CSMD1: variants seen among roughly 807,000 people sequenced by gnomAD.
CSMD1 encodes CUB and sushi domain-containing protein 1.
In CSMD1, 213 loss-of-function variants were observed where a neutral mutation model predicts 417.5. The ratio of observed to expected loss-of-function variants is 0.51; its 90% CI spans 0.46 to 0.57. CSMD1 has a LOEUF of 0.57. CSMD1 is among the 20% of genes least tolerant of loss of function. CSMD1 has a pLI of 0.00. For synonymous variants in CSMD1, 2,862 were observed against 1,736.8 expected, an observed-to-expected ratio of 1.65 and a Z score of -16.11; for missense variants, 6,923 against 4,529.7, an observed-to-expected ratio of 1.53 and a Z score of -15.17.
At chr8:3,788,166 G>C (rs372666081) in intron 5 of CSMD1, among the ~76,000 whole-genome samples, 1 of 152,128 alleles carries the variant, frequency 6.6e-6, no homozygotes, top group Non-Finnish European at 1.5e-5. Context: ...GTAAAACAAG[G>C]GATTCATGTG....
intron 3 of CSMD1, among the ~76,000 whole-genome samples, chr8:4,218,179 A>T (rs1420966812): frequency 6.6e-6 from 1 of 152,232 alleles, no homozygotes; most frequent in Non-Finnish European, 1.5e-5. Context: ...AACACTAGTT[A>T]TAAATTCCTA....
intron 3 of CSMD1, among the ~76,000 whole-genome samples, chr8:4,358,425 CA>C (rs1801558071): frequency 6.6e-6 from 1 of 152,192 alleles, no homozygotes. Context: ...ATATGAAATT[CA>C]AATTTCAGTG....
intron 10 of CSMD1, among the ~76,000 whole-genome samples, chr8:3,522,464 T>C (rs145491947): frequency 3.3e-4 from 50 of 152,360 alleles, no homozygotes; most frequent in Admixed American, 1.8e-3. Context: ...CAGCTGCATT[T>C]ACTTTTAGAT....
At chr8:3,564,521 G>GTGTGTGTGTGTC (rs1799613332) in intron 10 of CSMD1, among the ~76,000 whole-genome samples, 1 of 149,664 alleles carries the variant, frequency 6.7e-6, no homozygotes, top group Admixed American at 6.6e-5. Flanking sequence ...GTATATTTGT[G>GTGTGTGTGTGTC]TGTGTGTGTG....
chr8:4,161,836 C>G (rs985245637), intron 3 of CSMD1, among the ~76,000 whole-genome samples: 1 of 152,106 alleles, frequency 6.6e-6, no homozygotes, highest in Non-Finnish European at 1.5e-5. Context: ...TGATATGTCA[C>G]TGCATTTTTT....
chr8:4,124,939 C>G (rs902394354), intron 3 of CSMD1, among the ~76,000 whole-genome samples: 2 of 152,144 alleles, frequency 1.3e-5, no homozygotes, highest in Non-Finnish European at 2.9e-5. Context: ...AACAGCAACT[C>G]TTCCGGGTCC....
chr8:3,390,710 T>G (rs1811299269), intron 17 of CSMD1, among the ~76,000 whole-genome samples: 2 of 152,280 alleles, frequency 1.3e-5, no homozygotes, highest in East Asian at 3.9e-4. Flanking sequence ...CATTTGCTAC[T>G]TAATGAATAA....
At chr8:4,479,832 C>A (rs558573129) in intron 2 of CSMD1, among the ~76,000 whole-genome samples, 7 of 151,752 alleles carry the variant, frequency 4.6e-5, no homozygotes, top group Non-Finnish European at 8.8e-5. Flanking sequence ...GGCGTGGTGG[C>A]GCCCACTCCT....
intron 50 of CSMD1, among the ~76,000 whole-genome samples, chr8:3,042,176 A>G (rs947340775): frequency 6.6e-6 from 1 of 152,166 alleles, no homozygotes; most frequent in African/African-American, 2.4e-5. Flanking sequence ...CTGAGATACC[A>G]AACTGACTTT....
intron 1 of CSMD1, among the ~76,000 whole-genome samples, chr8:4,936,983 G>A (rs1025727011): frequency 7.2e-5 from 11 of 152,302 alleles, no homozygotes; most frequent in African/African-American, 2.4e-4. Flanking sequence ...GGCCAAGGCT[G>A]GAGGATACCT....
At chr8:3,936,269 G>A (rs1388573774) in intron 5 of CSMD1, among the ~76,000 whole-genome samples, 1 of 151,918 alleles carries the variant, frequency 6.6e-6, no homozygotes, top group Non-Finnish European at 1.5e-5. Flanking sequence ...AAGTTATCCA[G>A]AAGATCTAGC....
chr8:3,552,041 A>G (rs1203626598), intron 10 of CSMD1, among the ~76,000 whole-genome samples: 4 of 152,204 alleles, frequency 2.6e-5, no homozygotes, highest in African/African-American at 4.8e-5. Flanking sequence ...AAAAATAGAG[A>G]TTTTGCAGAT....
At chr8:3,370,383 G>C (rs569786136) in intron 18 of CSMD1, among the ~76,000 whole-genome samples, 1 of 152,314 alleles carries the variant, frequency 6.6e-6, no homozygotes, top group African/African-American at 2.4e-5. Flanking sequence ...TGTGCTCCGG[G>C]TCTTGCTCTT....
intron 3 of CSMD1, among the ~76,000 whole-genome samples, chr8:4,406,250 T>TTTG: frequency 6.6e-6 from 1 of 152,244 alleles, no homozygotes; most frequent in Admixed American, 6.5e-5. Flanking sequence ...CAAGTGGCTC[T>TTTG]CCTGGTGCAT....
chr8:3,841,647 G>A (rs1803140931), intron 5 of CSMD1, among the ~76,000 whole-genome samples: 1 of 151,670 alleles, frequency 6.6e-6, no homozygotes, highest in African/African-American at 2.4e-5. Flanking sequence ...ATTTTTAGAG[G>A]TTCAAATAAA....
At chr8:3,064,690 C>G (rs1407682223) in intron 49 of CSMD1, among the ~76,000 whole-genome samples, 1 of 152,016 alleles carries the variant, frequency 6.6e-6, no homozygotes, top group African/African-American at 2.4e-5. Flanking sequence ...TAAAAACATC[C>G]CCGCATTTTC....
At chr8:3,314,762 A>C (rs1277962876) in intron 23 of CSMD1, among the ~76,000 whole-genome samples, 1 of 152,240 alleles carries the variant, frequency 6.6e-6, no homozygotes, top group African/African-American at 2.4e-5. Flanking sequence ...ATCTTCTAAC[A>C]ATATTAGAGT....
chr8:3,512,796 G>A (rs1427615312), intron 10 of CSMD1, among the ~76,000 whole-genome samples: 4 of 151,764 alleles, frequency 2.6e-5, no homozygotes, highest in African/African-American at 9.7e-5. Context: ...ACTAGAGACA[G>A]GGTTTCACCA....
At position 3,795,119 on chromosome 8, in the gene CSMD1, T is replaced by TCTATCATGTATAGCTATAGATAC. The variant is rs1563087038; in HGVS notation, c.819-41078_819-41077insGTATCTATAGCTATACATGATAG. Among the ~76,000 whole-genome samples the TCTATCATGTATAGCTATAGATAC allele has an allele frequency of 5.3e-4, 39 of 74,026 alleles. 1 individual carries two copies. Among genetic ancestry groups the TCTATCATGTATAGCTATAGATAC allele is most frequent in the African/African-American group, 1.2e-3 (28 of 23,072 alleles). 48.6% of individuals were successfully genotyped at this position (74,026 alleles called of 152,430 possible). A position where few individuals can be genotyped will look rare whatever the true frequency, so the allele number is the denominator to read the frequency against. On this transcript the variant is annotated intron_variant, in intron 5 of 69. Coordinates refer to ENST00000635120, the MANE Select transcript of CSMD1 (RefSeq NM_033225.6). ...TATCTATCATGTACAGCTATAGATA[T>TCTATCATGTATAGCTATAGATAC]CTATCATGTACAGCTATAGATATCT...
Sources: allele counts gnomAD v4.1 joint callset (sites outside exome capture counted in the v4.1 genomes callset), GRCh38; gene constraint gnomAD v4.1.1; transcripts MANE v1.5; gene names NCBI Gene and HGNC (gene_info 2026-07-23, HGNC 2026-07-21).